CLIC4: variants seen among roughly 807,000 people sequenced by gnomAD.
CLIC4 encodes the protein chloride intracellular channel protein 4.
In CLIC4, 13 loss-of-function variants were observed where a neutral mutation model predicts 24.6. The ratio of observed to expected loss-of-function variants is 0.53; its 90% confidence interval spans 0.34 to 0.84. The LOEUF is 0.84. Ranked by LOEUF, CLIC4 falls within the 40% of genes least tolerant of loss-of-function variation. CLIC4 has a pLI of 0.01. For missense variants in CLIC4, 227 were observed against 301.7 expected, an observed-to-expected ratio of 0.75 and a Z score of 1.83; for synonymous variants, 104 against 111.3, an observed-to-expected ratio of 0.93 and a Z score of 0.41.
chr1:24,779,037 T>A (rs149521688), intron 1 of CLIC4, among the ~76,000 whole-genome samples: 2 of 152,326 alleles, frequency 1.3e-5, no homozygotes, highest in African/African-American at 4.8e-5. Flanking sequence ...TTAAGCAGTT[T>A]AACATTTTGG....
At chr1:24,823,201 G>A (rs1639752254) in intron 3 of CLIC4, among the ~76,000 whole-genome samples, 1 of 152,126 alleles carries the variant, frequency 6.6e-6, no homozygotes, top group Admixed American at 6.5e-5. Context: ...AACATTGAGA[G>A]GCTAATGAAA....
At chr1:24,774,939 C>T (rs1034476056) in intron 1 of CLIC4, among the ~76,000 whole-genome samples, 2 of 152,016 alleles carry the variant, frequency 1.3e-5, no homozygotes, top group Middle Eastern at 3.2e-3. Flanking sequence ...GATGTGGTGG[C>T]GCATGCCTGT....
At chr1:24,785,884 A>G (rs369414932) in intron 1 of CLIC4, among the ~76,000 whole-genome samples, 2,777 of 151,108 alleles carry the variant, frequency 0.018, 84 homozygotes, top group African/African-American at 0.065. Context: ...AAAGAAAAGA[A>G]AAAAAGAAAA....
At chr1:24,748,152 A>T (rs1638728530) in intron 1 of CLIC4, among the ~76,000 whole-genome samples, 1 of 152,214 alleles carries the variant, frequency 6.6e-6, no homozygotes, top group Non-Finnish European at 1.5e-5. Context: ...GAGATCAGTG[A>T]TTAATGCCCT....
At chr1:24,795,640 G>A (rs1471034866) in intron 1 of CLIC4, among the ~76,000 whole-genome samples, 2 of 152,026 alleles carry the variant, frequency 1.3e-5, no homozygotes, top group Non-Finnish European at 2.9e-5. Context: ...GCACGATCTC[G>A]GCTCACCGCA....
intron 1 of CLIC4, among the ~76,000 whole-genome samples, chr1:24,771,630 A>G (rs1437361739): frequency 6.6e-6 from 1 of 152,202 alleles, no homozygotes; most frequent in African/African-American, 2.4e-5. Context: ...GTATAGGAAT[A>G]TAAGCATGTA....
intron 1 of CLIC4, among the ~76,000 whole-genome samples, chr1:24,792,521 A>G (rs1388103172): frequency 2.9e-4 from 44 of 152,196 alleles, no homozygotes; most frequent in Non-Finnish European, 7.3e-5. Context: ...TTTCAAAAAT[A>G]AAAATAAATA....
intron 1 of CLIC4, among the ~76,000 whole-genome samples, chr1:24,792,822 G>A (rs535574906): frequency 1.3e-5 from 2 of 152,220 alleles, no homozygotes; most frequent in Non-Finnish European, 2.9e-5. Context: ...CCTGTGAAAG[G>A]AAAGAGGCAT....
chr1:24,774,387 A>G (rs1394648028), intron 1 of CLIC4, among the ~76,000 whole-genome samples: 1 of 152,260 alleles, frequency 6.6e-6, no homozygotes, highest in Admixed American at 6.5e-5. Context: ...CATTCTAAAT[A>G]GTTGTATCTG....
At chr1:24,799,018 G>A (rs1425974100) in intron 2 of CLIC4, among the ~76,000 whole-genome samples, 2 of 152,242 alleles carry the variant, frequency 1.3e-5, no homozygotes, top group Non-Finnish European at 2.9e-5. Flanking sequence ...CCAGCCGTCT[G>A]CCTTGGCCTC....
chr1:24,829,005 CCTT>C (rs1458242750), intron 4 of CLIC4, among the ~76,000 whole-genome samples: 1 of 152,162 alleles, frequency 6.6e-6, no homozygotes, highest in Non-Finnish European at 1.5e-5. Flanking sequence ...AATGGGCCCT[CCTT>C]ATGTATGTTT....
At chr1:24,804,154 A>G (rs1010901422) in intron 2 of CLIC4, among the ~76,000 whole-genome samples, 2 of 152,128 alleles carry the variant, frequency 1.3e-5, no homozygotes, top group Admixed American at 6.5e-5. Context: ...ACACATGCCA[A>G]GAGACTAAAT....
At chr1:24,789,758 C>T (rs904342901) in intron 1 of CLIC4, among the ~76,000 whole-genome samples, 7 of 151,388 alleles carry the variant, frequency 4.6e-5, no homozygotes, top group Admixed American at 1.3e-4. Flanking sequence ...CTTTAATTAT[C>T]GTGTTTATCT....
chr1:24,749,664 G>T (rs563136300), intron 1 of CLIC4, among the ~76,000 whole-genome samples: 1 of 152,248 alleles, frequency 6.6e-6, no homozygotes, highest in Non-Finnish European at 1.5e-5. Flanking sequence ...CCTCTCAAAA[G>T]TAAAAAAGGC....
chr1:24,771,283 C>CTT (rs913472261), intron 1 of CLIC4, among the ~76,000 whole-genome samples: 6 of 152,114 alleles, frequency 3.9e-5, no homozygotes, highest in Non-Finnish European at 8.8e-5. Context: ...GTTCTGAATC[C>CTT]TTCTCTGACC....
chr1:24,758,294 A>G (rs868810723), intron 1 of CLIC4, among the ~76,000 whole-genome samples: 2 of 151,054 alleles, frequency 1.3e-5, no homozygotes, highest in South Asian at 4.2e-4. Flanking sequence ...AGTTGTTGCT[A>G]TTGTATGTCC....
In CLIC4 at chr1:24,843,271, C is replaced by A. The variant is rs547617998; in HGVS notation, c.*2334C>A. ...AAGCTAGCTAGTAAAAAGGACGACCCAGCAACATGCTTTAACCCCATTGTA... is the reference window on the plus strand; with the variant it reads ...AAGCTAGCTAGTAAAAAGGACGACCAAGCAACATGCTTTAACCCCATTGTA... On this transcript the variant is annotated 3_prime_UTR_variant, in exon 6 of 6. Coordinates refer to ENST00000374379, the MANE Select transcript of CLIC4 (RefSeq NM_013943.3). 1 of 152,150 alleles carries A rather than the reference C, an allele frequency of 6.6e-6. No homozygotes were observed. Among genetic ancestry groups the A allele is most frequent in the Admixed American group, 6.5e-5 (1 of 15,274 alleles). 9.4% of individuals were successfully genotyped at this position (152,150 alleles called of 1,614,324 possible).
chr1:24,839,945 T>C lies in CLIC4; in HGVS notation c.501T>C (p.Ser167=), dbSNP rs1318158821. The change falls in exon 5 of 6, where the codon AGT becomes AGC. Residue 167 remains serine, a synonymous_variant. Transcript: ENST00000374379. ...TCCCTGATGAAATTGATGAAAATAG[T>C]ATGGAGGACATAAAGTTTTCTACAC... ...SPLPDEIDEN[S]MEDIKFSTRK... is the part of the protein sequence containing the mutation. 8.1e-6 allele frequency: 13 copies of C among 1,613,562 alleles called. No homozygotes were observed. The highest frequency in any genetic ancestry group is 1.7e-4 in the Middle Eastern group (1 of 5,814).
intron 1 of CLIC4, among the ~76,000 whole-genome samples, chr1:24,793,701 G>A (rs896250547): frequency 2.0e-5 from 3 of 151,684 alleles, no homozygotes; most frequent in African/African-American, 4.9e-5. Flanking sequence ...GATAAAGAAT[G>A]ATCGGATTTT....
Sources: allele counts gnomAD v4.1 joint callset (sites outside exome capture counted in the v4.1 genomes callset), GRCh38; gene constraint gnomAD v4.1.1; transcripts MANE v1.5; gene names NCBI Gene and HGNC (gene_info 2026-07-23, HGNC 2026-07-21).